The following SLC4A4 variants were observed in gnomAD, a reference collection of about 807,000 sequenced individuals.
SLC4A4 encodes the protein solute carrier family 4 member 4, also known as electrogenic sodium bicarbonate cotransporter 1.
In SLC4A4, 27 loss-of-function variants were observed where a neutral mutation model predicts 111.5. The observed-to-expected ratio is 0.24, with a 90% confidence interval of 0.18 to 0.33. SLC4A4 has a LOEUF of 0.33. SLC4A4 is among the 10% of genes least tolerant of loss of function. The pLI is 1.00. For synonymous variants in SLC4A4, 443 were observed against 463.4 expected (o/e 0.96, Z 0.57); for missense variants, 909 against 1,315.5 (o/e 0.69, Z 4.78).
intron 3 of SLC4A4, among the ~76,000 whole-genome samples, chr4:71,286,226 C>T (rs533375667): frequency 1.3e-4 from 20 of 151,934 alleles, no homozygotes; most frequent in Admixed American, 3.9e-4. Context: ...GGTGACAGAG[C>T]GAGACTCCAT....
intron 1 of SLC4A4, among the ~76,000 whole-genome samples, chr4:71,067,256 AAG>A (rs1391660270): frequency 6.6e-6 from 1 of 152,186 alleles, no homozygotes; most frequent in Non-Finnish European, 1.5e-5. Flanking sequence ...TCAAAAAGGA[AAG>A]AGTTTTTTTT....
intron 2 of SLC4A4, among the ~76,000 whole-genome samples, chr4:71,155,087 TG>T (rs1456246483): frequency 0.011 from 1 of 92 alleles, no homozygotes; most frequent in African/African-American, 0.019. Context: ...TATTATGGGG[TG>T]TGTGTGTGTG....
intron 1 of SLC4A4, among the ~76,000 whole-genome samples, chr4:71,083,305 G>A (rs1364189613): frequency 2.0e-5 from 3 of 149,220 alleles, no homozygotes; most frequent in Admixed American, 6.7e-5. Context: ...AAGTTTTTTA[G>A]TTTTTTTTCC....
At position 71,145,190 on chromosome 4, in the gene SLC4A4, C is replaced by T. The variant is rs1252516321; in HGVS notation, c.-2+52398C>T. ...TGAATTTTGTCAAAGGCCTTTTCTG[C>T]ATCTATTGAGATAATCATGTGGTTT... On this transcript the variant is annotated intron_variant, in intron 2 of 26. Coordinates refer to the SLC4A4 transcript ENST00000649996. Among the ~76,000 whole-genome samples the T allele has an allele frequency of 2.0e-5, 3 of 152,130 alleles. No homozygotes were observed. In the East Asian group the frequency reaches 5.8e-4, roughly 29 times the overall value.
At chr4:71,334,631 T>TC (rs1728286009) in intron 3 of SLC4A4, among the ~76,000 whole-genome samples, 2 of 152,054 alleles carry the variant, frequency 1.3e-5, no homozygotes, top group African/African-American at 4.8e-5. Context: ...GGAATTTTAA[T>TC]CCCCCAAAAT....
intron 15 of SLC4A4, among the ~76,000 whole-genome samples, chr4:71,492,353 G>T (rs999500510): frequency 6.6e-6 from 1 of 151,578 alleles, no homozygotes; most frequent in African/African-American, 2.4e-5. Context: ...TAAATCCTTT[G>T]GTATGCATAC....
chr4:71,373,398 GAC>G (rs1455326571), intron 6 of SLC4A4, among the ~76,000 whole-genome samples: 1 of 152,212 alleles, frequency 6.6e-6, no homozygotes, highest in Non-Finnish European at 1.5e-5. Flanking sequence ...TCTTGGGAGA[GAC>G]AGACTTTTCA....
intron 1 of SLC4A4, among the ~76,000 whole-genome samples, chr4:71,086,463 G>A (rs1320497961): frequency 6.6e-6 from 1 of 152,018 alleles, no homozygotes; most frequent in African/African-American, 2.4e-5. Flanking sequence ...TGGTGAGAGA[G>A]GTCATCCGTG....
chr4:71,183,979 T>G (rs971617948), upstream of SLC4A4, among the ~76,000 whole-genome samples: 8 of 152,290 alleles, frequency 5.3e-5, no homozygotes, highest in South Asian at 1.0e-3. Context: ...CAACAATATT[T>G]TTCACCTTTT....
exon 2 of SLC4A4, among the ~76,000 whole-genome samples, chr4:71,092,732 A>G (rs1211249026): frequency 6.6e-6 from 1 of 152,204 alleles, no homozygotes; most frequent in African/African-American, 2.4e-5. Context: ...TTTTACAGAT[A>G]CCCATAATTG....
chr4:71,227,054 A>G (rs1719094027), intron 1 of SLC4A4, among the ~76,000 whole-genome samples: 1 of 152,174 alleles, frequency 6.6e-6, no homozygotes. Context: ...ATGACAATGC[A>G]TTGTAACGTG....
At chr4:71,127,339 C>A (rs975317185) in intron 2 of SLC4A4, among the ~76,000 whole-genome samples, 1 of 152,202 alleles carries the variant, frequency 6.6e-6, no homozygotes, top group Admixed American at 6.5e-5. Context: ...CAAACAGCTA[C>A]ACATACTATA....
At chr4:71,509,276 T>C (rs1310087077) in intron 16 of SLC4A4, among the ~76,000 whole-genome samples, 1 of 152,198 alleles carries the variant, frequency 6.6e-6, no homozygotes. Flanking sequence ...GAGAAAGAAA[T>C]AAAGGCTATT....
chr4:71,351,601 T>A (rs1578896447), intron 5 of SLC4A4, among the ~76,000 whole-genome samples: 1 of 152,306 alleles, frequency 6.6e-6, no homozygotes, highest in East Asian at 1.9e-4. Flanking sequence ...ATGCCTGTAA[T>A]CCCAGCACTT....
rs940081953 is a variant in SLC4A4, at chr4:71,508,489, A to G, written c.2166+10797A>G. On this transcript the variant is annotated intron_variant, in intron 16 of 25. Transcript: ENST00000264485. ...GTTTATAATATAAACACCTCTATGC[A>G]CATACACTAGGAAGTCCAGAACAAA... Among the ~76,000 whole-genome samples, 9 of 152,256 alleles carry G rather than the reference A, an allele frequency of 5.9e-5. 1 individual carries two copies. Among genetic ancestry groups the G allele is most frequent in the African/African-American group, 1.7e-4 (7 of 41,542 alleles).
chr4:71,184,227 C>T (rs778596297), upstream of SLC4A4, among the ~76,000 whole-genome samples: 11 of 152,158 alleles, frequency 7.2e-5, no homozygotes, highest in South Asian at 2.1e-4. Context: ...CAATAATCAA[C>T]GCAGGGCCGA....
intron 16 of SLC4A4, among the ~76,000 whole-genome samples, chr4:71,513,876 T>C (rs917123849): frequency 2.0e-5 from 3 of 152,192 alleles, no homozygotes; most frequent in African/African-American, 7.2e-5. Context: ...TTTTCTGCAT[T>C]GATTGAGATG....
chr4:71,131,405 G>A (rs138707526), intron 2 of SLC4A4, among the ~76,000 whole-genome samples: 57 of 152,276 alleles, frequency 3.7e-4, no homozygotes, highest in African/African-American at 1.2e-3. Context: ...TGGGAACTGC[G>A]TGACTTAAAC....
chr4:71,344,371 T>A (rs1186418306), intron 4 of SLC4A4, among the ~76,000 whole-genome samples: 2 of 152,144 alleles, frequency 1.3e-5, no homozygotes, highest in East Asian at 3.9e-4. Context: ...TGTCAGAATG[T>A]TTTTGCAGTA....
Sources: allele counts gnomAD v4.1 joint callset (sites outside exome capture counted in the v4.1 genomes callset), GRCh38; gene constraint gnomAD v4.1.1; transcripts MANE v1.5; gene names NCBI Gene and HGNC (gene_info 2026-07-23, HGNC 2026-07-21).